Variants in MGLL observed in about 807,000 individuals in gnomAD.
MGLL encodes monoglyceride lipase, also known as lysophospholipase homolog.
In MGLL, 7 loss-of-function variants were observed where a neutral mutation model predicts 29.1. The ratio of observed to expected loss-of-function variants is 0.24; its 90% CI spans 0.14 to 0.45. The LOEUF is 0.45. Among genes scored for constraint, MGLL ranks in the 20% least tolerant of loss-of-function variants. The pLI, the probability that MGLL is intolerant of heterozygous loss-of-function variation, is 0.99. For synonymous variants in MGLL, 148 were observed against 168.3 expected, an observed-to-expected ratio of 0.88 and a Z score of 0.93; for missense variants, 356 against 413.6, an observed-to-expected ratio of 0.86 and a Z score of 1.21.
At chr3:127,717,988 C>T (rs989815304) in intron 5 of MGLL, among the ~76,000 whole-genome samples, 3 of 152,316 alleles carry the variant, frequency 2.0e-5, no homozygotes, top group East Asian at 1.9e-4. Context: ...TACCACTTTG[C>T]GAAACCACTT....
chr3:127,724,920 G>A (rs187192692), intron 3 of MGLL, among the ~76,000 whole-genome samples: 6 of 152,180 alleles, frequency 3.9e-5, no homozygotes, highest in African/African-American at 1.4e-4. Flanking sequence ...CCTCTACGTT[G>A]GAAGCATCCC....
At chr3:127,787,601 T>C (rs1395068123) in intron 2 of MGLL, among the ~76,000 whole-genome samples, 2 of 152,222 alleles carry the variant, frequency 1.3e-5, no homozygotes, top group Non-Finnish European at 2.9e-5. Context: ...TTCCTACCAC[T>C]AGGCAGGTGG....
intron 3 of MGLL, among the ~76,000 whole-genome samples, chr3:127,757,825 A>G (rs947898422): frequency 6.6e-6 from 1 of 152,184 alleles, no homozygotes; most frequent in Non-Finnish European, 1.5e-5. Flanking sequence ...CGTGTCATCG[A>G]CACCTTGTAA....
At chr3:127,723,360 C>T (rs1180486238) in intron 3 of MGLL, among the ~76,000 whole-genome samples, 2 of 152,248 alleles carry the variant, frequency 1.3e-5, no homozygotes, top group African/African-American at 4.8e-5. Context: ...AGAGGGGCTG[C>T]CCAGACCTTC....
chr3:127,792,285 T>C (rs1464659320), intron 2 of MGLL, among the ~76,000 whole-genome samples: 1 of 152,230 alleles, frequency 6.6e-6, no homozygotes, highest in East Asian at 1.9e-4. Context: ...CTCTAAGATC[T>C]GAGGGACAGG....
intron 3 of MGLL, among the ~76,000 whole-genome samples, chr3:127,775,165 C>T (rs936500382): frequency 6.6e-6 from 1 of 152,104 alleles, no homozygotes; most frequent in Non-Finnish European, 1.5e-5. Context: ...CTCAGGGTGG[C>T]ACAGTCCACT....
chr3:127,722,197 G>T (rs1248579958), intron 4 of MGLL, among the ~76,000 whole-genome samples: 1 of 152,240 alleles, frequency 6.6e-6, no homozygotes, highest in Non-Finnish European at 1.5e-5. Flanking sequence ...TTGAGAAAAA[G>T]ATCAGTTTTC....
chr3:127,720,419 G>A (rs184970636), intron 5 of MGLL, among the ~76,000 whole-genome samples: 4 of 152,258 alleles, frequency 2.6e-5, no homozygotes, highest in Admixed American at 6.5e-5. Flanking sequence ...CCGCCCTACC[G>A]AGGCCACTGG....
intron 3 of MGLL, among the ~76,000 whole-genome samples, chr3:127,726,023 C>A (rs960487288): frequency 6.7e-6 from 1 of 149,646 alleles, no homozygotes; most frequent in Non-Finnish European, 1.5e-5. Flanking sequence ...TGTGCTCGCA[C>A]CACTGCTCTC....
intron 3 of MGLL, among the ~76,000 whole-genome samples, chr3:127,759,030 C>CAGG: frequency 6.7e-6 from 1 of 148,548 alleles, no homozygotes; most frequent in Admixed American, 6.9e-5. Context: ...TCAAGTGATT[C>CAGG]TCCTGCCTCA....
chr3:127,715,774 G>A (rs755228207), intron 5 of MGLL: 10 of 456,594 alleles, frequency 2.2e-5, no homozygotes, highest in Non-Finnish European at 4.4e-6. Context: ...TCGACCAGAT[G>A]ACTGCTGCTC....
At chr3:127,806,591 G>A (rs2077570208) in intron 2 of MGLL, among the ~76,000 whole-genome samples, 1 of 152,036 alleles carries the variant, frequency 6.6e-6, no homozygotes, top group African/African-American at 2.4e-5. Flanking sequence ...GTAGGTGGAT[G>A]GATGAGTGGG....
rs185371229 is a variant in MGLL at position 127,710,950 on chromosome 3, C to T, written c.511-285G>A. 3 of 454,254 alleles carry T rather than the reference C, an allele frequency of 6.6e-6. No individual in the cohort carries two copies. The East Asian group carries it at 1.3e-4, about 20-fold the overall frequency. The allele number at this position is 454,254 out of a possible 1,614,324, so 28.1% of individuals were successfully genotyped here. ...AATTTTGCCCGCTCTATACCCTCCCCATGATCGCTCATGGGTTGTAATTTT... is the reference window on the plus strand; with the variant it reads ...AATTTTGCCCGCTCTATACCCTCCCTATGATCGCTCATGGGTTGTAATTTT... On this transcript the variant is annotated intron_variant, in intron 5 of 7. Coordinates refer to ENST00000265052, the MANE Select transcript of MGLL (RefSeq NM_007283.7).
chr3:127,812,217 G>T (rs1464622138), intron 2 of MGLL, among the ~76,000 whole-genome samples: 1 of 152,244 alleles, frequency 6.6e-6, no homozygotes, highest in African/African-American at 2.4e-5. Flanking sequence ...GCTAAGGGTT[G>T]TTTGGTTCTC....
chr3:127,743,572 T>TAAAAAAAAA (rs35691902), intron 3 of MGLL, among the ~76,000 whole-genome samples: 1 of 40,698 alleles, frequency 2.5e-5, no homozygotes. Context: ...CCACTAATGC[T>TAAAAAAAAA]AAAAAAAAAA....
intron 2 of MGLL, among the ~76,000 whole-genome samples, chr3:127,813,561 A>G (rs2077701692): frequency 6.6e-6 from 1 of 152,190 alleles, no homozygotes; most frequent in Non-Finnish European, 1.5e-5. Context: ...AAGAAGGCAT[A>G]AGGGAAACTT....
intron 6 of MGLL, 86 bp from the exon 7 acceptor site, chr3:127,695,276 G>C: frequency 7.3e-7 from 1 of 1,371,828 alleles, no homozygotes; most frequent in Non-Finnish European, 1.0e-6. Context: ...TTTTCCTTCT[G>C]CTCTGGCCTG....
intron 2 of MGLL, among the ~76,000 whole-genome samples, chr3:127,798,156 G>C (rs560858628): frequency 9.8e-5 from 15 of 152,336 alleles, no homozygotes; most frequent in African/African-American, 3.6e-4. Context: ...CCAGCACCTT[G>C]CAAGCACAGT....
intron 3 of MGLL, among the ~76,000 whole-genome samples, chr3:127,772,846 T>G (rs565163647): frequency 6.6e-6 from 1 of 152,224 alleles, no homozygotes; most frequent in Admixed American, 6.5e-5. Flanking sequence ...GCTGCAGAGC[T>G]CTCTAGCCCT....
Sources: gnomAD v4.1 joint callset for allele counts (sites outside exome capture counted in the v4.1 genomes callset) on GRCh38, gnomAD v4.1.1 for gene constraint, MANE v1.5 for transcripts, NCBI Gene and HGNC (gene_info 2026-07-23, HGNC 2026-07-21) for gene names.